Variants in PRELID2 observed in about 807,000 individuals in gnomAD.
PRELID2 encodes PRELI domain-containing protein 2.
A neutral mutation model predicts 28.4 loss-of-function variants in PRELID2; 25 were observed. That is an observed-to-expected ratio of 0.88 (90% confidence interval 0.64 to 1.23). The LOEUF (loss-of-function observed/expected upper bound fraction) is 1.23, where lower values mean the gene tolerates loss of function less well. Ranked by LOEUF, PRELID2 falls within the 50% of genes most tolerant of loss-of-function variation. The pLI is 0.00. For missense variants in PRELID2, 201 were observed against 214.4 expected (o/e 0.94, Z 0.39); for synonymous variants, 76 against 71.6 (o/e 1.06, Z -0.31).
chr5:145,826,211 T>C, intron 1 of PRELID2: 2 of 979,968 alleles, frequency 2.0e-6, no homozygotes, highest in Non-Finnish European at 1.2e-6. Flanking sequence ...CTATCAAGTA[T>C]TAATATACAG....
chr5:145,426,104 T>G, the PRELID2 span, among the ~76,000 whole-genome samples: 1 of 152,214 alleles, frequency 6.6e-6, no homozygotes, highest in Admixed American at 6.6e-5. Context: ...GTCAGGACCC[T>G]TCTGGCAGAT....
chr5:145,811,448 C>T (rs1289121115), intron 4 of PRELID2, among the ~76,000 whole-genome samples: 3 of 152,066 alleles, frequency 2.0e-5, no homozygotes, highest in African/African-American at 4.8e-5. Context: ...GCACCATGCT[C>T]GGCTAATTAT....
At chr5:145,258,245 G>T in the PRELID2 span, among the ~76,000 whole-genome samples, 3 of 152,170 alleles carry the variant, frequency 2.0e-5, no homozygotes, top group South Asian at 4.1e-4. Context: ...TGAGGAGTGG[G>T]CATTGCTATA....
chr5:145,342,262 C>T, the PRELID2 span, among the ~76,000 whole-genome samples: 1 of 152,064 alleles, frequency 6.6e-6, no homozygotes, highest in Non-Finnish European at 1.5e-5. Flanking sequence ...TCAAAAGAGT[C>T]CCAAGCCTAG....
intron 4 of PRELID2, among the ~76,000 whole-genome samples, chr5:145,805,762 G>A (rs1441731000): frequency 6.6e-6 from 1 of 152,164 alleles, no homozygotes; most frequent in Non-Finnish European, 1.5e-5. Context: ...AGATGGTATA[G>A]CTTACTACAC....
intron 1 of PRELID2, among the ~76,000 whole-genome samples, chr5:145,690,859 C>T (rs1027741215): frequency 2.0e-5 from 3 of 151,952 alleles, no homozygotes; most frequent in Non-Finnish European, 2.9e-5. Context: ...CATGACTTCA[C>T]GCAATAGGAA....
At chr5:145,658,635 T>C (rs549910728) in intron 1 of PRELID2, among the ~76,000 whole-genome samples, 1 of 152,314 alleles carries the variant, frequency 6.6e-6, no homozygotes, top group South Asian at 2.1e-4. Flanking sequence ...CCACGGGATA[T>C]GTCAGCTCCT....
chr5:145,586,247 C>T (rs1753153693), intron 1 of PRELID2, among the ~76,000 whole-genome samples: 1 of 152,056 alleles, frequency 6.6e-6, no homozygotes. Flanking sequence ...TGCATTTCCA[C>T]ACCCATTATC....
In PRELID2 at chr5:145,807,197, T is replaced by C. The variant is rs573860382; in HGVS notation, c.369-10650A>G. On this transcript the variant is annotated intron_variant, in intron 4 of 6. Transcript: ENST00000683046. ...TTTCAGCTCCAATACAATCTTATGG[T>C]ACCACCTTAATATATGCGGTCTGCC... is the stretch of plus-strand genomic sequence containing the variant. Among the ~76,000 whole-genome samples, 9 of 152,292 alleles carry C rather than the reference T, an allele frequency of 5.9e-5. No individual in the cohort carries two copies. In the East Asian group the frequency reaches 9.7e-4, roughly 16 times the overall value.
At chr5:145,513,681 G>A (rs191164797) in intron 1 of PRELID2, among the ~76,000 whole-genome samples, 308 of 152,198 alleles carry the variant, frequency 2.0e-3, no homozygotes, top group African/African-American at 5.9e-3. Context: ...GCAACTCCAA[G>A]ACACATAATT....
chr5:145,478,713 A>T (rs1371131026), intron 1 of PRELID2, among the ~76,000 whole-genome samples: 1 of 152,122 alleles, frequency 6.6e-6, no homozygotes, highest in Non-Finnish European at 1.5e-5. Context: ...GACTGCTATA[A>T]AGTTTAGAAT....
the PRELID2 span, among the ~76,000 whole-genome samples, chr5:145,416,614 C>T: frequency 6.6e-6 from 1 of 152,038 alleles, no homozygotes; most frequent in African/African-American, 2.4e-5. Flanking sequence ...AACAAAGAGA[C>T]AATGTACCTG....
rs1302126027 is a variant in PRELID2, at chr5:145,796,570, A to G, written c.369-23T>C. On this transcript the variant is annotated intron_variant, in intron 4 of 6. Transcript: ENST00000683046. The stretch of plus-strand genomic sequence containing the variant: ...GTCCTGCAAAAAAAACAAAAAACAC[A>G]TCTTTGATGTCATTCTATGCTTGGA... 2.1e-6 allele frequency: 3 copies of G among 1,458,810 alleles called. No homozygotes were observed. In the South Asian group the frequency reaches 3.6e-5, roughly 18 times the overall value. 90.4% of individuals were successfully genotyped at this position (1,458,810 alleles called of 1,614,324 possible).
chr5:145,554,892 GTGAA>G, intron 1 of PRELID2, among the ~76,000 whole-genome samples: 1 of 152,292 alleles, frequency 6.6e-6, no homozygotes, highest in Middle Eastern at 3.4e-3. Flanking sequence ...TCAGGAAATA[GTGAA>G]TGCTAAGAAG....
At chr5:145,271,702 T>C in the PRELID2 span, among the ~76,000 whole-genome samples, 1 of 152,172 alleles carries the variant, frequency 6.6e-6, no homozygotes, top group Non-Finnish European at 1.5e-5. Flanking sequence ...TGATTTACTC[T>C]TCCTCCTCTG....
chr5:145,651,255 C>T (rs1754291784), intron 1 of PRELID2, among the ~76,000 whole-genome samples: 1 of 152,146 alleles, frequency 6.6e-6, no homozygotes. Context: ...AACAAAGCAG[C>T]CTGGAAGCTC....
Position 145,569,907 on chromosome 5 carries a change from AG to A in PRELID2, n.71-96593del, listed in dbSNP as rs570041968. 7.9e-5 allele frequency among the ~76,000 whole-genome samples: 12 copies of A among 152,294 alleles called. No homozygotes were observed. The South Asian group carries it at 2.5e-3, about 32-fold the overall frequency. ...TAGTTTGCTAGGGCTGCTATAACAG[AG>A]TATAGCAAACTGGGTGGCTTAAACA... On this transcript the variant is annotated intron_variant and non_coding_transcript_variant, in intron 1 of 2. Transcript: ENST00000510259.
chr5:145,817,217 A>AT (rs1561643874), intron 4 of PRELID2, among the ~76,000 whole-genome samples: 4 of 99,640 alleles, frequency 4.0e-5, no homozygotes, highest in Admixed American at 1.1e-4. Context: ...ATAAATAAAA[A>AT]AAAATATATA....
intron 1 of PRELID2, among the ~76,000 whole-genome samples, chr5:145,740,414 G>C (rs1165603521): frequency 2.2e-5 from 3 of 138,178 alleles, no homozygotes. Context: ...AATCATTATA[G>C]GTGGTGACTA....
Sources: gnomAD v4.1 joint callset for allele counts (sites outside exome capture counted in the v4.1 genomes callset) on GRCh38, gnomAD v4.1.1 for gene constraint, MANE v1.5 for transcripts, NCBI Gene and HGNC (gene_info 2026-07-23, HGNC 2026-07-21) for gene names.